The following GLYCTK variants were observed in gnomAD, a reference collection of about 807,000 sequenced individuals.
The protein encoded by GLYCTK is HBeAg binding protein 4.
Under a neutral mutation model 24.8 loss-of-function variants are expected in GLYCTK, and 22 were observed. That is an observed-to-expected ratio of 0.89 (90% confidence interval 0.63 to 1.27). The LOEUF is 1.27. GLYCTK is among the 50% of genes most tolerant of loss of function. GLYCTK has a pLI of 0.00. For missense variants in GLYCTK, 684 were observed against 686.7 expected, an observed-to-expected ratio of 1.00 and a Z score of 0.04; for synonymous variants, 320 against 297.2, an observed-to-expected ratio of 1.08 and a Z score of -0.79.
rs750149063 is a variant in GLYCTK at position 52,292,514 on chromosome 3, G to A, written c.960G>A (p.Gln320=). 8.7e-6 allele frequency: 14 copies of A among 1,613,654 alleles called. No homozygotes were observed. Among genetic ancestry groups the A allele is most frequent in the Non-Finnish European group, 1.2e-5 (14 of 1,180,002 alleles). Residue 320 remains glutamine, a synonymous_variant, in exon 5 of 5, where the codon CAG becomes CAA. Coordinates refer to ENST00000436784, the MANE Select transcript of GLYCTK (RefSeq NM_145262.4). ...GSNVLALAEA[Q]RQAEALGYQA... ...ATGTGCTGGCGCTAGCTGAGGCCCA[G>A]CGGCAGGCCGAGGCACTGGGCTACC...
In GLYCTK at chr3:52,294,987, A is replaced by G. The variant is rs1389191163; in HGVS notation, c.*1861A>G. 2.2e-6 allele frequency: 1 copy of G among 453,912 alleles called. No homozygotes were observed. The highest frequency in any genetic ancestry group is 4.4e-6 in the Non-Finnish European group (1 of 226,782). The allele number at this position is 453,912 out of a possible 1,614,324, so 28.1% of individuals were successfully genotyped here. ...TCCCTGCTGAGGGCTTTGGGTATGGATAGGATCTTGCAGGAGGTTCCCCCT... is the reference window on the plus strand; with the variant it reads ...TCCCTGCTGAGGGCTTTGGGTATGGGTAGGATCTTGCAGGAGGTTCCCCCT... On this transcript the variant is annotated 3_prime_UTR_variant, in exon 5 of 5. Coordinates refer to ENST00000436784, the MANE Select transcript of GLYCTK (RefSeq NM_145262.4).
chr3:52,288,188 A>G lies in GLYCTK; in HGVS notation c.-40+312A>G, dbSNP rs565477748. Among the ~76,000 whole-genome samples the G allele has an allele frequency of 1.4e-3, 207 of 152,178 alleles. 1 individual carries two copies. Among genetic ancestry groups the G allele is most frequent in the Non-Finnish European group, 2.4e-3 (166 of 68,006 alleles). ...ACCGTGTCTTGGATAGAATTGGAGG[A>G]CTTAGCAAATAAAAATGCAAAGCGT... is the stretch of plus-strand genomic sequence containing the variant. On this transcript the variant is annotated intron_variant, in intron 1 of 4. Coordinates refer to ENST00000436784, the MANE Select transcript of GLYCTK (RefSeq NM_145262.4).
In GLYCTK at chr3:52,292,987, T is replaced by C. The variant is rs772013256; in HGVS notation, c.1433T>C (p.Leu478Pro). The C allele has an allele frequency of 3.1e-6, 5 of 1,614,176 alleles. No individual in the cohort carries two copies. Among genetic ancestry groups the C allele is most frequent in the Non-Finnish European group, 4.2e-6 (5 of 1,180,018 alleles). The stretch of plus-strand genomic sequence containing the variant: ...GCCAGCCAGGCTGCAGCTGAGGGCC[T>C]GGACATAGCCACCTTCCTAGCCCAC... ...ELASQAAAEG[L>P]DIATFLAHND... is the part of the protein sequence containing the mutation. Residue 478 changes from leucine (L) to proline (P), a missense_variant, in exon 5 of 5, where the codon CTG becomes CCG. Leu to Pro is a moderately conservative substitution (Grantham distance 98). Transcript: ENST00000436784.
In GLYCTK at chr3:52,293,252, T is replaced by C. The variant is rs1378752175; in HGVS notation, c.*126T>C. 5 of 958,118 alleles carry C rather than the reference T, an allele frequency of 5.2e-6. No homozygotes were observed. The highest frequency in any genetic ancestry group is 2.0e-5 in the Admixed American group (1 of 50,788). The allele number at this position is 958,118 out of a possible 1,614,324, so 59.4% of individuals were successfully genotyped here. On this transcript the variant is annotated 3_prime_UTR_variant, in exon 5 of 5. Coordinates refer to ENST00000436784, the MANE Select transcript of GLYCTK (RefSeq NM_145262.4). ...CCTCCTCTCCTTGGCCTTGGCTGTT[T>C]GGTTAACTGTCACCTTCCACTCAGG...
chr3:52,288,685 AC>A (rs1700365938), intron 1 of GLYCTK: 1 of 152,126 alleles, frequency 6.6e-6, no homozygotes, highest in Non-Finnish European at 1.5e-5. Context: ...CTGTGCTCAT[AC>A]CCAGTGGCAA....
In GLYCTK at chr3:52,294,202, C is replaced by T; in HGVS notation, c.*1076C>T. ...CCTTTTGAGCCCCCTTGCTCAGTGT[C>T]AGAACCCTCCGCTGGCTGTCCCCGC... is the stretch of plus-strand genomic sequence containing the variant. On this transcript the variant is annotated 3_prime_UTR_variant, in exon 5 of 5. Transcript: ENST00000436784. 1 of 534,566 alleles carries T rather than the reference C, an allele frequency of 1.9e-6. No individual in the cohort carries two copies. Among genetic ancestry groups the T allele is most frequent in the Non-Finnish European group, 3.8e-6 (1 of 260,040 alleles). The allele number at this position is 534,566 out of a possible 1,614,324, so 33.1% of individuals were successfully genotyped here. A position where few individuals can be genotyped will look rare whatever the true frequency, so the allele number is the denominator to read the frequency against.
chr3:52,287,890 G>C lies in GLYCTK; in HGVS notation c.-40+14G>C. On this transcript the variant is annotated intron_variant, in intron 1 of 4. Coordinates refer to ENST00000436784, the MANE Select transcript of GLYCTK (RefSeq NM_145262.4). ...AGCTGTGGGCTGGTAAGTCTGCGCC[G>C]CCAGGGCTCGCATGGCCTTCAGAAG... 2.2e-6 allele frequency: 1 copy of C among 448,870 alleles called. No individual in the cohort carries two copies. Among genetic ancestry groups the C allele is most frequent in the South Asian group, 1.6e-5 (1 of 64,244 alleles). The allele number at this position is 448,870 out of a possible 1,614,324, so 27.8% of individuals were successfully genotyped here. A position where few individuals can be genotyped will look rare whatever the true frequency, so the allele number is the denominator to read the frequency against.
rs569691761 is a variant in GLYCTK, at chr3:52,293,714, G to A, written c.*588G>A. The A allele has an allele frequency of 2.2e-4, 101 of 454,130 alleles. No individual in the cohort carries two copies. The highest frequency in any genetic ancestry group is 1.5e-3 in the South Asian group (98 of 64,472). 28.1% of individuals were successfully genotyped at this position (454,130 alleles called of 1,614,324 possible). A position where few individuals can be genotyped will look rare whatever the true frequency, so the allele number is the denominator to read the frequency against. The stretch of plus-strand genomic sequence containing the variant: ...GTGCGTGAGCAGAGACCCCAGGGAG[G>A]ACAGGCCTAAAGACTGCAGTCTGGG... On this transcript the variant is annotated 3_prime_UTR_variant, in exon 5 of 5. Transcript: ENST00000436784.
chr3:52,291,676 T>A, intron 3 of GLYCTK, 71 bp from the exon 4 acceptor site: 1 of 1,455,160 alleles, frequency 6.9e-7, no homozygotes, highest in South Asian at 1.1e-5. Flanking sequence ...AATGTGGGCT[T>A]GTCACCCCTG....
rs1700529147 is a variant in GLYCTK at position 52,292,887 on chromosome 3, C to T, written c.1333C>T (p.Leu445=). 1.2e-6 allele frequency: 2 copies of T among 1,614,066 alleles called. No individual in the cohort carries two copies. Among genetic ancestry groups the T allele is most frequent in the Non-Finnish European group, 1.7e-6 (2 of 1,180,018 alleles). ...RRWPLGPIDV[L]FLSGGTDGQD... is the part of the protein sequence containing the mutation. The stretch of plus-strand genomic sequence containing the variant: ...GTGGCCGCTGGGGCCGATAGATGTG[C>T]TGTTTTTGAGCGGTGGCACCGATGG... The change falls in exon 5 of 5, where the codon CTG becomes TTG. Residue 445 remains leucine (L), a synonymous_variant. Coordinates refer to ENST00000436784, the MANE Select transcript of GLYCTK (RefSeq NM_145262.4).
Position 52,291,836 on chromosome 3 carries a change from G to A in GLYCTK, c.619G>A (p.Ala207Thr), listed in dbSNP as rs1700479127. The change falls in exon 4 of 5, where the codon GCC becomes ACC. Residue 207 changes from alanine (A) to threonine (T), a missense_variant. Ala to Thr is a moderately conservative substitution (Grantham distance 58). Transcript: ENST00000436784. ...CACTAGACTGCTGGCAGCCCGTGGA[G>A]CCACCATCCAGGAGTTGAACACCAT... ...TLTRLLAARG[A>T]TIQELNTIRK... 1 of 1,613,940 alleles carries A rather than the reference G, an allele frequency of 6.2e-7. No homozygotes were observed. The highest frequency in any genetic ancestry group is 8.5e-7 in the Non-Finnish European group (1 of 1,180,016).
At chr3:52,288,631 C>T (rs1233499696) in intron 1 of GLYCTK, 2 of 152,170 alleles carry the variant, frequency 1.3e-5, no homozygotes, top group Non-Finnish European at 2.9e-5. Flanking sequence ...AACCGGAAGT[C>T]CTGTATTTTC....
At position 52,294,524 on chromosome 3, in the gene GLYCTK, G is replaced by T. The variant is rs2153221357; in HGVS notation, c.*1398G>T. 1 of 382,274 alleles carries T rather than the reference G, an allele frequency of 2.6e-6. No homozygotes were observed. Among genetic ancestry groups the T allele is most frequent in the East Asian group, 7.2e-5 (1 of 13,842 alleles). The allele number at this position is 382,274 out of a possible 1,614,324, so 23.7% of individuals were successfully genotyped here. A position where few individuals can be genotyped will look rare whatever the true frequency, so the allele number is the denominator to read the frequency against. ...ATTGGGAGGGAGGTAAACGTGGTAA[G>T]CGGGCTCTGGGGACCAGGGAGGTTT... On this transcript the variant is annotated 3_prime_UTR_variant, in exon 5 of 5. Transcript: ENST00000436784.
At chr3:52,288,584 A>G (rs947463303) in intron 1 of GLYCTK, 3 of 152,246 alleles carry the variant, frequency 2.0e-5, no homozygotes, top group African/African-American at 7.2e-5. Context: ...ACATACTTAT[A>G]CTTTAAAAAT....
chr3:52,294,174 C>T lies in GLYCTK; in HGVS notation c.*1048C>T, dbSNP rs928769761. On this transcript the variant is annotated 3_prime_UTR_variant, in exon 5 of 5. Coordinates refer to ENST00000436784, the MANE Select transcript of GLYCTK (RefSeq NM_145262.4). ...GAGAGAGGGAGGTGCCACTGTCCTG[C>T]CTCCTTTTGAGCCCCCTTGCTCAGT... The T allele has an allele frequency of 9.4e-6, 5 of 533,824 alleles. No homozygotes were observed. Among genetic ancestry groups the T allele is most frequent in the Non-Finnish European group, 1.5e-5 (4 of 259,844 alleles). 33.1% of individuals were successfully genotyped at this position (533,824 alleles called of 1,614,324 possible).
chr3:52,290,450 G>C lies in GLYCTK; in HGVS notation c.108G>C (p.Glu36Asp). ...ARLASSMALAEQARQLFESAV... is the reference protein window; with the variant it reads ...ARLASSMALADQARQLFESAV... ...TGGCCAGCAGCATGGCCTTGGCAGA[G>C]CAGGCCAGGCAGCTGTTTGAGAGTG... The change falls in exon 2 of 5, where the codon GAG becomes GAC. Residue 36 changes from glutamate (E) to aspartate (D), a missense_variant. Physicochemically the swap from Glu to Asp is conservative, Grantham distance 45. Transcript: ENST00000436784. The C allele has an allele frequency of 6.2e-7, 1 of 1,612,570 alleles. No homozygotes were observed. Among genetic ancestry groups the C allele is most frequent in the African/African-American group, 1.3e-5 (1 of 75,076 alleles).
In GLYCTK at chr3:52,295,016, C is replaced by G; in HGVS notation, c.*1890C>G. 1 of 454,028 alleles carries G rather than the reference C, an allele frequency of 2.2e-6. No individual in the cohort carries two copies. Among genetic ancestry groups the G allele is most frequent in the South Asian group, 1.6e-5 (1 of 64,476 alleles). The allele number at this position is 454,028 out of a possible 1,614,324, so 28.1% of individuals were successfully genotyped here. ...GATCTTGCAGGAGGTTCCCCCTGCT[C>G]TACATTGACCCCTTCCCTATACTTC... On this transcript the variant is annotated 3_prime_UTR_variant, in exon 5 of 5. Coordinates refer to ENST00000436784, the MANE Select transcript of GLYCTK (RefSeq NM_145262.4).
At position 52,291,887 on chromosome 3, in the gene GLYCTK, G is replaced by C. The variant is rs1479136824; in HGVS notation, c.670G>C (p.Gly224Arg). 6.2e-6 allele frequency: 10 copies of C among 1,613,664 alleles called. No homozygotes were observed. The South Asian group carries it at 9.9e-5, about 16-fold the overall frequency. The change falls in exon 4 of 5, where the codon GGT (glycine) becomes CGT (arginine). Residue 224 changes from glycine (G) to arginine (R), a missense_variant. Coordinates refer to ENST00000436784, the MANE Select transcript of GLYCTK (RefSeq NM_145262.4). ...TIRKALSQLK[G>R]GGLAQAAYPA... ...TCGGAAGGCCCTGTCCCAGCTCAAG[G>C]GTGGGGGGCTGGCTCAGGCCGCCTA...
chr3:52,288,102 A>G (rs1335547819), intron 1 of GLYCTK: 1 of 195,742 alleles, frequency 5.1e-6, no homozygotes, highest in Non-Finnish European at 1.1e-5. Flanking sequence ...GGGAGGAGTC[A>G]AGACCGGTAG....
Sources: allele counts gnomAD v4.1 joint callset (sites outside exome capture counted in the v4.1 genomes callset), GRCh38; gene constraint gnomAD v4.1.1; transcripts MANE v1.5; gene names NCBI Gene and HGNC (gene_info 2026-07-23, HGNC 2026-07-21).